Variants in PDE10A observed in about 807,000 individuals in gnomAD.
The protein encoded by PDE10A is phosphodiesterase 10A.
In PDE10A, 39 loss-of-function variants were observed where a neutral mutation model predicts 97.7. The ratio of observed to expected loss-of-function variants is 0.40; its 90% CI spans 0.31 to 0.52. The LOEUF (loss-of-function observed/expected upper bound fraction) is 0.52. Ranked by LOEUF, PDE10A falls within the 20% of genes least tolerant of loss-of-function variation. The pLI is 0.56. For synonymous variants in PDE10A, 371 were observed against 376.8 expected (o/e 0.98, Z 0.18); for missense variants, 731 against 1,047.8 (o/e 0.70, Z 4.17).
chr6:165,649,081 T>A (rs917982013), intron 1 of PDE10A, among the ~76,000 whole-genome samples: 11 of 152,210 alleles, frequency 7.2e-5, no homozygotes, highest in African/African-American at 2.7e-4. Flanking sequence ...GACAGGCCCG[T>A]ACCTTTCAGA....
At chr6:165,658,191 T>C (rs1790061223) in intron 1 of PDE10A, among the ~76,000 whole-genome samples, 1 of 152,158 alleles carries the variant, frequency 6.6e-6, no homozygotes, top group Non-Finnish European at 1.5e-5. Flanking sequence ...AGAGATCATA[T>C]TTATCTCAGT....
At chr6:165,797,240 T>C (rs1562741635) in intron 1 of PDE10A, among the ~76,000 whole-genome samples, 2 of 152,238 alleles carry the variant, frequency 1.3e-5, no homozygotes, top group Admixed American at 6.5e-5. Context: ...TTTGATTAAC[T>C]GGCTACTGGC....
At chr6:165,408,857 G>C (rs929714615) in intron 13 of PDE10A, among the ~76,000 whole-genome samples, 1 of 151,998 alleles carries the variant, frequency 6.6e-6, no homozygotes, top group Non-Finnish European at 1.5e-5. Context: ...TTAGTAAGGA[G>C]AAAAATATAC....
chr6:165,578,777 T>G (rs1785456127), intron 1 of PDE10A, among the ~76,000 whole-genome samples: 1 of 152,234 alleles, frequency 6.6e-6, no homozygotes, highest in Non-Finnish European at 1.5e-5. Context: ...AAGTCAATCA[T>G]GCATCTATTG....
intron 5 of PDE10A, among the ~76,000 whole-genome samples, chr6:165,441,555 A>C (rs189384899): frequency 6.6e-6 from 1 of 152,332 alleles, no homozygotes; most frequent in Non-Finnish European, 1.5e-5. Context: ...CTAAGTGGTA[A>C]AACAGAACTC....
intron 2 of PDE10A, among the ~76,000 whole-genome samples, chr6:165,532,847 C>T (rs1782863916): frequency 1.3e-5 from 2 of 152,184 alleles, no homozygotes; most frequent in Admixed American, 6.5e-5. Context: ...TATAAATCTA[C>T]ACCATCCCAT....
chr6:165,862,303 C>T (rs1296546817), intron 1 of PDE10A, among the ~76,000 whole-genome samples: 1 of 152,068 alleles, frequency 6.6e-6, no homozygotes, highest in Non-Finnish European at 1.5e-5. Flanking sequence ...TGGCATGAAA[C>T]CAGGGAAGGT....
intron 1 of PDE10A, among the ~76,000 whole-genome samples, chr6:165,697,953 G>C (rs143053351): frequency 5.3e-5 from 8 of 152,118 alleles, no homozygotes; most frequent in African/African-American, 1.9e-4. Context: ...CTGTTACGCC[G>C]TCACTGTCCC....
intron 1 of PDE10A, among the ~76,000 whole-genome samples, chr6:165,842,578 G>C (rs546763704): frequency 2.0e-5 from 3 of 152,210 alleles, no homozygotes; most frequent in Admixed American, 6.5e-5. Context: ...CCTCCTCCTC[G>C]AAGGGAGTAT....
chr6:165,595,999 T>A (rs1209998821), intron 1 of PDE10A, among the ~76,000 whole-genome samples: 1 of 152,156 alleles, frequency 6.6e-6, no homozygotes, highest in African/African-American at 2.4e-5. Flanking sequence ...AAACACCTAA[T>A]ACAGTGTTGA....
At chr6:165,824,516 A>G (rs143286197) in intron 1 of PDE10A, among the ~76,000 whole-genome samples, 1,726 of 152,282 alleles carry the variant, frequency 0.011, 133 homozygotes, top group Admixed American at 0.11. Context: ...TGATCTTCTA[A>G]TGCTTATTCA....
intron 1 of PDE10A, among the ~76,000 whole-genome samples, chr6:165,903,763 T>G (rs1782182752): frequency 2.0e-5 from 3 of 151,850 alleles, no homozygotes. Context: ...AGCTGAGTAC[T>G]CCAACATTTA....
intron 1 of PDE10A, among the ~76,000 whole-genome samples, chr6:165,645,853 C>CAAAAAAAAAAAAAA (rs57923490): frequency 3.0e-5 from 3 of 101,252 alleles, no homozygotes; most frequent in African/African-American, 1.0e-4. Flanking sequence ...GACTCCATCT[C>CAAAAAAAAAAAAAA]AAAAAAAAAA....
intron 2 of PDE10A, among the ~76,000 whole-genome samples, chr6:165,508,893 C>A (rs1706426205): frequency 1.3e-5 from 2 of 152,018 alleles, no homozygotes; most frequent in Admixed American, 1.3e-4. Flanking sequence ...ACACTTCCAT[C>A]CTCATCAAAG....
chr6:165,774,406 A>G (rs1778102512), intron 1 of PDE10A, among the ~76,000 whole-genome samples: 1 of 150,200 alleles, frequency 6.7e-6, no homozygotes, highest in Non-Finnish European at 1.5e-5. Flanking sequence ...AAAATGCATG[A>G]AAGTACTGAA....
chr6:165,429,153 G>A (rs959955228), intron 9 of PDE10A, among the ~76,000 whole-genome samples: 7 of 152,054 alleles, frequency 4.6e-5, no homozygotes, highest in African/African-American at 1.7e-4. Context: ...CATTTAAAGT[G>A]TACTGAGAAA....
intron 2 of PDE10A, among the ~76,000 whole-genome samples, chr6:165,514,940 G>C (rs1052706354): frequency 6.6e-6 from 1 of 152,172 alleles, no homozygotes; most frequent in African/African-American, 2.4e-5. Flanking sequence ...CTTTTGGGGA[G>C]AGGATTTCCT....
At chr6:165,799,959 AG>A (rs1253531937) in intron 1 of PDE10A, among the ~76,000 whole-genome samples, 5 of 152,282 alleles carry the variant, frequency 3.3e-5, no homozygotes, top group African/African-American at 1.2e-4. Flanking sequence ...GACGTCTGTC[AG>A]GCAATTCCTG....
At chr6:165,917,334 G>C (rs1208009587) in intron 1 of PDE10A, among the ~76,000 whole-genome samples, 1 of 152,122 alleles carries the variant, frequency 6.6e-6, no homozygotes, top group East Asian at 1.9e-4. Context: ...GGCTGACTTA[G>C]AGCAATTAGG....
Sources: allele counts gnomAD v4.1 joint callset (sites outside exome capture counted in the v4.1 genomes callset), GRCh38; gene constraint gnomAD v4.1.1; transcripts MANE v1.5; gene names NCBI Gene and HGNC (gene_info 2026-07-23, HGNC 2026-07-21).